CA10: variants seen among roughly 807,000 people sequenced by gnomAD.
CA10 encodes carbonic anhydrase-related protein 10.
Under a neutral mutation model 44.2 loss-of-function variants are expected in CA10, and 14 were observed. The observed-to-expected ratio is 0.32, with a 90% CI of 0.21 to 0.50. The LOEUF is 0.50. Ranked by LOEUF, CA10 falls within the 20% of genes least tolerant of loss-of-function variation. CA10 has a pLI of 0.99. For missense variants in CA10, 350 were observed against 409.7 expected (o/e 0.85, Z 1.26); for synonymous variants, 159 against 141.6 (o/e 1.12, Z -0.87).
chr17:51,779,862 T>G (rs2143674534), intron 3 of CA10, among the ~76,000 whole-genome samples: 1 of 152,262 alleles, frequency 6.6e-6, no homozygotes, highest in Admixed American at 6.5e-5. Context: ...GGCTGGAAAC[T>G]TGGGGCTGGG....
intron 3 of CA10, among the ~76,000 whole-genome samples, chr17:51,909,175 G>A (rs966273861): frequency 6.6e-6 from 1 of 152,124 alleles, no homozygotes; most frequent in Non-Finnish European, 1.5e-5. Context: ...GGTGAAAGGT[G>A]TACTGAGATA....
intron 3 of CA10, among the ~76,000 whole-genome samples, chr17:51,792,683 A>G: frequency 6.8e-6 from 1 of 146,668 alleles, no homozygotes; most frequent in Non-Finnish European, 1.5e-5. Flanking sequence ...CACCAAGATC[A>G]ACACAACCAG....
intron 4 of CA10, among the ~76,000 whole-genome samples, chr17:51,654,000 T>TGGCTCC (rs1358562844): frequency 1.3e-5 from 2 of 152,242 alleles, no homozygotes; most frequent in Non-Finnish European, 2.9e-5. Flanking sequence ...CATCTGGCTC[T>TGGCTCC]GGCTCCATCC....
At chr17:52,105,926 A>G (rs1021008098) in intron 1 of CA10, among the ~76,000 whole-genome samples, 2 of 152,220 alleles carry the variant, frequency 1.3e-5, no homozygotes, top group African/African-American at 2.4e-5. Flanking sequence ...TGTTTAGTAG[A>G]GCCCTAGTAC....
chr17:51,660,329 A>G (rs1020792791), intron 4 of CA10, among the ~76,000 whole-genome samples: 1 of 152,228 alleles, frequency 6.6e-6, no homozygotes, highest in African/African-American at 2.4e-5. Flanking sequence ...AGTTTCTCCT[A>G]TGCACTTAAT....
In CA10 at chr17:52,100,441, C is replaced by CAA. The variant is rs5820907; in HGVS notation, c.62-28050_62-28049dup. ...CCATTCTCAAGGGCAACAGGACTCT[C>CAA]AAAAAAAACAGACAAGCCAACACCT... is the stretch of plus-strand genomic sequence containing the variant. On this transcript the variant is annotated intron_variant, in intron 1 of 8. Transcript: ENST00000451037. Among the ~76,000 whole-genome samples, 323 of 151,516 alleles carry CAA rather than the reference C, an allele frequency of 2.1e-3. 2 individuals carry two copies. The highest frequency in any genetic ancestry group is 3.2e-3 in the Non-Finnish European group (220 of 67,832).
chr17:51,876,497 G>C (rs139677509), intron 3 of CA10, among the ~76,000 whole-genome samples: 4 of 151,744 alleles, frequency 2.6e-5, no homozygotes, highest in African/African-American at 9.7e-5. Context: ...TATTTCTTTA[G>C]TGCAAAATGT....
chr17:51,770,075 G>A (rs1490387453), intron 3 of CA10, among the ~76,000 whole-genome samples: 1 of 151,658 alleles, frequency 6.6e-6, no homozygotes, highest in East Asian at 1.9e-4. Flanking sequence ...TATCTCTGTT[G>A]CTCTTTTATA....
intron 2 of CA10, among the ~76,000 whole-genome samples, chr17:51,977,236 C>T (rs1276409201): frequency 2.0e-5 from 3 of 151,346 alleles, no homozygotes; most frequent in Non-Finnish European, 4.4e-5. Flanking sequence ...GGAAAAAAAC[C>T]CCTCAAAATC....
chr17:51,953,306 A>G lies in CA10; in HGVS notation c.137-22174T>C, dbSNP rs996092162. Among the ~76,000 whole-genome samples, 3 of 152,266 alleles carry G rather than the reference A, an allele frequency of 2.0e-5. No individual in the cohort carries two copies. The East Asian group carries it at 5.8e-4, about 29-fold the overall frequency. On this transcript the variant is annotated intron_variant, in intron 2 of 8. Coordinates refer to ENST00000451037, the MANE Select transcript of CA10 (RefSeq NM_020178.5). ...TTTTTCCTAACTCATTTTAAATACC[A>G]TCTTTATTATATACTCAATTCCCAC... is the stretch of plus-strand genomic sequence containing the variant.
At chr17:51,851,342 C>T (rs920871198) in intron 3 of CA10, among the ~76,000 whole-genome samples, 2 of 152,126 alleles carry the variant, frequency 1.3e-5, no homozygotes, top group Non-Finnish European at 2.9e-5. Flanking sequence ...GACATGGGTA[C>T]AGAGGAGAAA....
intron 1 of CA10, among the ~76,000 whole-genome samples, chr17:52,125,220 C>A (rs1380815654): frequency 6.6e-6 from 1 of 152,192 alleles, no homozygotes; most frequent in Non-Finnish European, 1.5e-5. Context: ...CATCGTGGTA[C>A]CTCCTTGCTA....
At position 51,652,647 on chromosome 17, in the gene CA10, G is replaced by A. The variant is rs1013381009; in HGVS notation, c.561+994C>T. 2.6e-5 allele frequency among the ~76,000 whole-genome samples: 4 copies of A among 152,236 alleles called. No individual in the cohort carries two copies. The East Asian group carries it at 7.7e-4, about 29-fold the overall frequency. ...CATGGATGACCAGGGAGGGTGAAGT[G>A]CCTATGGCACGGGGTAATTCTTTTG... On this transcript the variant is annotated intron_variant, in intron 5 of 8. Transcript: ENST00000451037.
At chr17:51,877,223 A>G (rs1021872037) in intron 3 of CA10, among the ~76,000 whole-genome samples, 2 of 152,230 alleles carry the variant, frequency 1.3e-5, no homozygotes, top group Non-Finnish European at 2.9e-5. Flanking sequence ...CTGAGTAGAA[A>G]TGACATGGAA....
At chr17:51,646,770 T>C (rs1373716837) in intron 6 of CA10, among the ~76,000 whole-genome samples, 1 of 152,218 alleles carries the variant, frequency 6.6e-6, no homozygotes, top group East Asian at 1.9e-4. Context: ...GGTTTTCTGC[T>C]GCGCAAATCA....
intron 2 of CA10, among the ~76,000 whole-genome samples, chr17:52,019,901 G>GAT (rs967962983): frequency 4.5e-4 from 69 of 151,764 alleles, no homozygotes; most frequent in African/African-American, 1.6e-3. Context: ...ACTGTGAAGA[G>GAT]ATATATATAC....
intron 2 of CA10, among the ~76,000 whole-genome samples, chr17:51,960,780 G>C (rs551655703): frequency 5.9e-5 from 9 of 152,196 alleles, no homozygotes; most frequent in African/African-American, 1.9e-4. Context: ...CAAAATATGA[G>C]AGAGGAAGTC....
intron 3 of CA10, among the ~76,000 whole-genome samples, chr17:51,909,033 C>T (rs1041263239): frequency 4.6e-5 from 7 of 152,122 alleles, no homozygotes; most frequent in African/African-American, 1.7e-4. Context: ...GATAGAGCTG[C>T]TTACATTTCA....
intron 3 of CA10, among the ~76,000 whole-genome samples, chr17:51,835,709 A>G (rs1908451819): frequency 6.6e-6 from 1 of 152,264 alleles, no homozygotes; most frequent in African/African-American, 2.4e-5. Context: ...GTCTGCCTCC[A>G]GGCAGTGCTC....
Sources: allele counts gnomAD v4.1 joint callset (sites outside exome capture counted in the v4.1 genomes callset), GRCh38; gene constraint gnomAD v4.1.1; transcripts MANE v1.5; gene names NCBI Gene and HGNC (gene_info 2026-07-23, HGNC 2026-07-21).